MYO3A: variants seen among roughly 807,000 people sequenced by gnomAD.
MYO3A encodes the protein myosin-IIIa.
Under a neutral mutation model 192.7 loss-of-function variants are expected in MYO3A, and 180 were observed. That is an observed-to-expected ratio of 0.93 (90% confidence interval 0.83 to 1.06). The LOEUF is 1.06. Ranked by LOEUF, MYO3A falls within the 50% of genes least tolerant of loss-of-function variation. MYO3A has a pLI of 0.00. For synonymous variants in MYO3A, 628 were observed against 645.3 expected (o/e 0.97, Z 0.41); for missense variants, 1,896 against 1,905.0 (o/e 1.00, Z 0.09).
chr10:26,104,836 T>C (rs989286858), intron 17 of MYO3A, among the ~76,000 whole-genome samples: 2 of 151,010 alleles, frequency 1.3e-5, no homozygotes, highest in East Asian at 1.9e-4. Context: ...TCCATATTTA[T>C]TTACCTAGTC....
intron 14 of MYO3A, among the ~76,000 whole-genome samples, chr10:26,072,135 C>G (rs188355688): frequency 1.4e-4 from 21 of 152,256 alleles, no homozygotes; most frequent in African/African-American, 5.1e-4. Context: ...AATTCACTCA[C>G]TCTCATGAGA....
At chr10:25,934,581 T>A (rs548751485) in intron 1 of MYO3A, among the ~76,000 whole-genome samples, 43 of 129,886 alleles carry the variant, frequency 3.3e-4, no homozygotes, top group Admixed American at 6.3e-4. Flanking sequence ...AGGGGGAATG[T>A]GAGGCTTGAA....
At chr10:26,192,424 G>A (rs1843186244) in intron 31 of MYO3A, among the ~76,000 whole-genome samples, 1 of 152,182 alleles carries the variant, frequency 6.6e-6, no homozygotes, top group Non-Finnish European at 1.5e-5. Flanking sequence ...TAAAAATGAA[G>A]ATCGTGCAGT....
At chr10:26,173,317 A>G (rs550276955) in intron 29 of MYO3A, among the ~76,000 whole-genome samples, 76 of 152,336 alleles carry the variant, frequency 5.0e-4, no homozygotes, top group Middle Eastern at 3.4e-3. Context: ...TTTTCACAGC[A>G]TCTCACTACT....
At chr10:26,075,193 CT>C in intron 14 of MYO3A, among the ~76,000 whole-genome samples, 1 of 151,990 alleles carries the variant, frequency 6.6e-6, no homozygotes, top group East Asian at 1.9e-4. Flanking sequence ...CTAAATTTTT[CT>C]TCCTCAGAAT....
intron 6 of MYO3A, among the ~76,000 whole-genome samples, chr10:26,002,714 T>TCGGAATGAG (rs1840918992): frequency 6.6e-6 from 1 of 151,818 alleles, no homozygotes; most frequent in Non-Finnish European, 1.5e-5. Context: ...GAGGAGGTAA[T>TCGGAATGAG]TGAAAAAGGT....
intron 23 of MYO3A, among the ~76,000 whole-genome samples, chr10:26,148,129 A>ACC (rs1398945509): frequency 6.6e-6 from 1 of 152,228 alleles, no homozygotes; most frequent in African/African-American, 2.4e-5. Flanking sequence ...AGTTTTTGAC[A>ACC]TATATAAGCA....
intron 3 of MYO3A, 116 bp from the exon 4 acceptor site, chr10:25,954,758 A>G: frequency 1.8e-6 from 2 of 1,128,080 alleles, no homozygotes; most frequent in Non-Finnish European, 2.6e-6. Flanking sequence ...TAAGCACAGT[A>G]AAAACTATTA....
At chr10:26,098,827 G>C (rs1837237704) in intron 17 of MYO3A, among the ~76,000 whole-genome samples, 2 of 152,210 alleles carry the variant, frequency 1.3e-5, no homozygotes, top group South Asian at 4.1e-4. Context: ...TTGTAGTATA[G>C]TTTGAAGTCA....
At position 26,088,211 on chromosome 10, in the gene MYO3A, CAG is replaced by C. The variant is rs760866131; in HGVS notation, c.1370_1371del (p.Arg457AsnfsTer25). 6.8e-6 allele frequency: 11 copies of C among 1,607,362 alleles called. No individual in the cohort carries two copies. The highest frequency in any genetic ancestry group is 2.0e-4 in the Middle Eastern group (1 of 5,040). On this transcript the variant is annotated frameshift_variant, in exon 15 of 35. Coordinates refer to ENST00000642920, the MANE Select transcript of MYO3A (RefSeq NM_017433.5). LOFTEE classifies it high-confidence loss of function. ...TAATATTTTCTATTTAGGCTAATAA[CAG>C]AACCTTGCAAGAGAAGATTTTACAA... ...QLTVLGKANN[R>X]TLQEKILQVN...
At chr10:25,979,133 G>A (rs925858664) in intron 4 of MYO3A, among the ~76,000 whole-genome samples, 1 of 152,108 alleles carries the variant, frequency 6.6e-6, no homozygotes, top group African/African-American at 2.4e-5. Flanking sequence ...GCAACTCACT[G>A]CATTTTAGTA....
chr10:26,112,701 A>G (rs767219056), intron 17 of MYO3A, among the ~76,000 whole-genome samples: 1 of 152,146 alleles, frequency 6.6e-6, no homozygotes, highest in Non-Finnish European at 1.5e-5. Flanking sequence ...TTTACAGTTC[A>G]CGTGTGCATT....
At chr10:25,941,545 A>T (rs1836488036) in intron 2 of MYO3A, among the ~76,000 whole-genome samples, 1 of 152,066 alleles carries the variant, frequency 6.6e-6, no homozygotes, top group Non-Finnish European at 1.5e-5. Flanking sequence ...CTTGTTTTTC[A>T]CATTTTTCTA....
chr10:26,017,037 C>T, intron 7 of MYO3A, 141 bp downstream of exon 7: 4 of 940,022 alleles, frequency 4.3e-6, no homozygotes, highest in Admixed American at 2.0e-5. Flanking sequence ...GAGAATTTTG[C>T]ATGTGTGAGG....
At chr10:26,106,396 T>C (rs1260239902) in intron 17 of MYO3A, among the ~76,000 whole-genome samples, 3 of 152,080 alleles carry the variant, frequency 2.0e-5, no homozygotes, top group Admixed American at 2.0e-4. Flanking sequence ...GTTTTTATTA[T>C]AAGGGAAATG....
At chr10:26,109,633 A>G (rs867161018) in intron 17 of MYO3A, among the ~76,000 whole-genome samples, 23 of 152,350 alleles carry the variant, frequency 1.5e-4, no homozygotes, top group African/African-American at 5.0e-4. Context: ...GGACTACTAT[A>G]ATCTGGTGTG....
At chr10:26,146,610 A>G (rs1000306466) in intron 22 of MYO3A, among the ~76,000 whole-genome samples, 7 of 152,180 alleles carry the variant, frequency 4.6e-5, no homozygotes, top group African/African-American at 1.7e-4. Context: ...TCCTGCTCTT[A>G]TAAGAACACA....
chr10:26,211,247 C>A (rs1433279624), intron 34 of MYO3A, among the ~76,000 whole-genome samples: 1 of 152,170 alleles, frequency 6.6e-6, no homozygotes, highest in African/African-American at 2.4e-5. Context: ...TCCAGACAAG[C>A]TGCAGAATCT....
chr10:26,132,024 T>C (rs1042065532), intron 20 of MYO3A, among the ~76,000 whole-genome samples: 3 of 152,242 alleles, frequency 2.0e-5, no homozygotes, highest in African/African-American at 7.2e-5. Flanking sequence ...CATTATTGTG[T>C]CATACACTGT....
Sources: gnomAD v4.1 joint callset for allele counts (sites outside exome capture counted in the v4.1 genomes callset) on GRCh38, gnomAD v4.1.1 for gene constraint, MANE v1.5 for transcripts, NCBI Gene and HGNC (gene_info 2026-07-23, HGNC 2026-07-21) for gene names.